Variants in DOCK8 observed in about 807,000 individuals in gnomAD.
DOCK8 encodes dedicator of cytokinesis 8.
Under a neutral mutation model 245.6 loss-of-function variants are expected in DOCK8, and 141 were observed. The observed-to-expected ratio is 0.57, with a 90% CI of 0.50 to 0.66. The LOEUF is 0.66. Ranked by LOEUF, DOCK8 falls within the 30% of genes least tolerant of loss-of-function variation. The probability of loss-of-function intolerance (pLI) is 0.00; values close to 1 mark genes in which losing one functional copy is unlikely to be tolerated. For missense variants in DOCK8, 2,965 were observed against 2,603.4 expected (o/e 1.14, Z -3.02); for synonymous variants, 1,168 against 970.2 (o/e 1.20, Z -3.79).
chr9:363,050 G>A (rs1226830304), intron 14 of DOCK8, among the ~76,000 whole-genome samples: 3 of 152,316 alleles, frequency 2.0e-5, no homozygotes, highest in Non-Finnish European at 2.9e-5. Context: ...TTGAGGATTC[G>A]TTGCTAAATC....
intron 20 of DOCK8, among the ~76,000 whole-genome samples, chr9:378,548 C>T (rs954196231): frequency 5.9e-5 from 9 of 152,222 alleles, no homozygotes; most frequent in South Asian, 2.1e-4. Flanking sequence ...ATCCATGTAG[C>T]AGTTGCCTCT....
At chr9:420,185 G>GC in intron 30 of DOCK8, 1 of 607,458 alleles carries the variant, frequency 1.6e-6, no homozygotes, top group Non-Finnish European at 2.9e-6. Flanking sequence ...CCCCAGGTGA[G>GC]CCTCTTTGCT....
In DOCK8 at chr9:271,218, G is replaced by C. The variant is rs367898228; in HGVS notation, c.54-409G>C. On this transcript the variant is annotated intron_variant, in intron 1 of 47. Coordinates refer to ENST00000432829, the MANE Select transcript of DOCK8 (RefSeq NM_203447.4). ...ACCAGTCAGCCAAAAGGGTTCAGCT[G>C]CTTGAAATGAGAATGGCTGGATCAA... 4.1e-4 allele frequency among the ~76,000 whole-genome samples: 62 copies of C among 152,328 alleles called. No individual in the cohort carries two copies. The South Asian group carries it at 0.012, about 31-fold the overall frequency.
rs138536881 is a variant in DOCK8 at position 379,970 on chromosome 9, G to A, written c.2605+35G>A. The A allele has an allele frequency of 2.7e-4, 431 of 1,600,418 alleles. 5 individuals are homozygous for A. The African/African-American group carries it at 5.2e-3, about 19-fold the overall frequency. ...CCCTGAGTGTGGGACTCTGGTGGGC[G>A]GGGCAACACCACCTCCACCCCACTG... On this transcript the variant is annotated intron_variant, in intron 21 of 47. Transcript: ENST00000432829.
At chr9:346,815 C>A (rs1249986847) in intron 14 of DOCK8, among the ~76,000 whole-genome samples, 3 of 149,460 alleles carry the variant, frequency 2.0e-5, no homozygotes, top group Non-Finnish European at 4.4e-5. Context: ...CAGGACCTGA[C>A]CGGAAGGAAT....
chr9:261,999 G>GA (rs1224495984), intron 1 of DOCK8, among the ~76,000 whole-genome samples: 1 of 98,572 alleles, frequency 1.0e-5, no homozygotes, highest in East Asian at 5.5e-4. Context: ...GAAAGAAGGA[G>GA]AAAGAAAGAA....
At chr9:374,461 T>G (rs932915516) in intron 18 of DOCK8, among the ~76,000 whole-genome samples, 2 of 141,504 alleles carry the variant, frequency 1.4e-5, no homozygotes, top group Admixed American at 7.1e-5. Context: ...GTGTTTTTTT[T>G]TTTTTTTTTT....
chr9:282,995 G>A (rs540814181), intron 2 of DOCK8, among the ~76,000 whole-genome samples: 4 of 152,254 alleles, frequency 2.6e-5, no homozygotes, highest in African/African-American at 7.2e-5. Flanking sequence ...AGCTCAGAGT[G>A]GAACGTGTGG....
intron 1 of DOCK8, among the ~76,000 whole-genome samples, chr9:229,414 A>G (rs1051201181): frequency 6.6e-6 from 1 of 152,202 alleles, no homozygotes; most frequent in African/African-American, 2.4e-5. Flanking sequence ...TCCTGCCTGG[A>G]GGCAGGTATA....
At chr9:459,521 A>G (rs989830072) in intron 46 of DOCK8, among the ~76,000 whole-genome samples, 7 of 152,210 alleles carry the variant, frequency 4.6e-5, no homozygotes, top group African/African-American at 1.4e-4. Context: ...CATGTGGTAC[A>G]TAATAATTTT....
At chr9:431,797 C>T (rs184044347) in intron 36 of DOCK8, among the ~76,000 whole-genome samples, 1 of 152,218 alleles carries the variant, frequency 6.6e-6, no homozygotes, top group East Asian at 1.9e-4. Flanking sequence ...GCCAGAAGTC[C>T]CTTTCTTTTA....
intron 1 of DOCK8, chr9:268,411 T>G (rs564651528): frequency 6.6e-6 from 1 of 152,206 alleles, no homozygotes; most frequent in Non-Finnish European, 1.5e-5. Flanking sequence ...TGACCCTGTT[T>G]AAGAAGGGCT....
intron 14 of DOCK8, among the ~76,000 whole-genome samples, chr9:343,519 T>G (rs1019935266): frequency 6.6e-6 from 1 of 152,132 alleles, no homozygotes; most frequent in Non-Finnish European, 1.5e-5. Flanking sequence ...AATAAAATTA[T>G]ACTGAGAAAT....
intron 4 of DOCK8, among the ~76,000 whole-genome samples, chr9:297,486 C>A (rs140244989): frequency 4.3e-4 from 65 of 152,298 alleles, no homozygotes; most frequent in African/African-American, 1.5e-3. Context: ...GAGTTCATTT[C>A]ATGAGAATCA....
chr9:385,333 C>T (rs1450055500), intron 22 of DOCK8, among the ~76,000 whole-genome samples: 1 of 151,970 alleles, frequency 6.6e-6, no homozygotes, highest in Non-Finnish European at 1.5e-5. Context: ...ACAAATGTAC[C>T]TTACTATAAA....
At chr9:358,066 C>T (rs933169082) in intron 14 of DOCK8, among the ~76,000 whole-genome samples, 22 of 152,140 alleles carry the variant, frequency 1.4e-4, no homozygotes, top group Admixed American at 6.5e-4. Flanking sequence ...TGAACCTTCT[C>T]ATTCTATTTA....
At position 450,664 on chromosome 9, in the gene DOCK8, G is replaced by C. The variant is rs899898964; in HGVS notation, c.5961+737G>C. On this transcript the variant is annotated intron_variant, in intron 45 of 47. Transcript: ENST00000432829. ...GGATTTCCCCACAAAAGTTCTGAGT[G>C]TACTTGACATCAAGGGAGCAGAAAC... 2.0e-5 allele frequency among the ~76,000 whole-genome samples: 3 copies of C among 151,958 alleles called. No homozygotes were observed. The South Asian group carries it at 6.2e-4, about 32-fold the overall frequency.
chr9:303,654 A>G (rs2130578521), intron 4 of DOCK8, among the ~76,000 whole-genome samples: 1 of 152,306 alleles, frequency 6.6e-6, no homozygotes, highest in East Asian at 1.9e-4. Flanking sequence ...GGGAGGATGG[A>G]AGCAGGTGTG....
intron 30 of DOCK8, among the ~76,000 whole-genome samples, chr9:419,618 T>C (rs904835303): frequency 6.6e-6 from 1 of 152,164 alleles, no homozygotes; most frequent in Non-Finnish European, 1.5e-5. Flanking sequence ...TTCCCTCCCA[T>C]ACCCACAAAT....
Sources: allele counts gnomAD v4.1 joint callset (sites outside exome capture counted in the v4.1 genomes callset), GRCh38; gene constraint gnomAD v4.1.1; transcripts MANE v1.5; gene names NCBI Gene and HGNC (gene_info 2026-07-23, HGNC 2026-07-21).